MACROD2: variants seen among roughly 807,000 people sequenced by gnomAD.
MACROD2 encodes the protein mono-ADP ribosylhydrolase 2, also known as ADP-ribose glycohydrolase MACROD2.
MACROD2 carries 36 observed loss-of-function variants against 70.4 expected under a neutral mutation model. That is an observed-to-expected ratio of 0.51 (90% CI 0.39 to 0.68). The LOEUF (loss-of-function observed/expected upper bound fraction) is 0.68, where lower values mean the gene tolerates loss of function less well. Ranked by LOEUF, MACROD2 falls within the 30% of genes least tolerant of loss-of-function variation. The pLI is 0.00. For synonymous variants in MACROD2, 172 were observed against 178.8 expected, an observed-to-expected ratio of 0.96 and a Z score of 0.30; for missense variants, 496 against 538.4, an observed-to-expected ratio of 0.92 and a Z score of 0.78.
intron 8 of MACROD2, among the ~76,000 whole-genome samples, chr20:15,537,038 C>T (rs1408684464): frequency 1.3e-5 from 2 of 152,128 alleles, no homozygotes; most frequent in East Asian, 1.9e-4. Context: ...GCCATGTCCC[C>T]ACCCAAATCT....
intron 8 of MACROD2, among the ~76,000 whole-genome samples, chr20:15,504,191 A>C (rs573306391): frequency 5.9e-5 from 9 of 152,108 alleles, no homozygotes; most frequent in African/African-American, 2.2e-4. Context: ...CAGGAGGGGG[A>C]AAATCATATT....
rs116360644 is a variant in MACROD2 at position 15,617,041 on chromosome 20, G to A, written c.645+117194G>A. Among the ~76,000 whole-genome samples, 359 of 152,254 alleles carry A rather than the reference G, an allele frequency of 2.4e-3. 1 individual carries two copies. The highest frequency in any genetic ancestry group is 8.3e-3 in the African/African-American group (344 of 41,546). On this transcript the variant is annotated intron_variant, in intron 8 of 17. Coordinates refer to ENST00000684519, the MANE Select transcript of MACROD2 (RefSeq NM_001351661.2). ...CTTCTCCAGGGATGTTTCTGAGTTC[G>A]AGACTAATGTTCCATTTACCACATC...
intron 5 of MACROD2, among the ~76,000 whole-genome samples, chr20:14,698,311 C>G (rs6042863): frequency 0.048 from 7,351 of 152,196 alleles, 594 homozygotes; most frequent in African/African-American, 0.17. Flanking sequence ...AACTCAGGCT[C>G]TGGACGTGGG....
intron 3 of MACROD2, among the ~76,000 whole-genome samples, chr20:14,357,675 G>A (rs1247319398): frequency 6.6e-6 from 1 of 152,146 alleles, no homozygotes; most frequent in Non-Finnish European, 1.5e-5. Context: ...ATTTCCACTG[G>A]CTTCTCCTTA....
At chr20:15,735,840 A>T (rs2051012053) in intron 8 of MACROD2, among the ~76,000 whole-genome samples, 1 of 152,234 alleles carries the variant, frequency 6.6e-6, no homozygotes, top group Non-Finnish European at 1.5e-5. Context: ...TGACCCTCAG[A>T]AGACAAATCA....
intron 4 of MACROD2, among the ~76,000 whole-genome samples, chr20:14,637,190 G>T (rs1932936): frequency 0.99 from 150,620 of 152,300 alleles, 74,486 homozygotes; most frequent in East Asian, 1. Flanking sequence ...TGCAGCTGCC[G>T]TTCTATACTG....
intron 3 of MACROD2, among the ~76,000 whole-genome samples, chr20:14,455,931 A>G (rs1342665799): frequency 1.3e-5 from 2 of 151,808 alleles, no homozygotes; most frequent in African/African-American, 4.9e-5. Flanking sequence ...TCTAAAAATT[A>G]TCTTATGTCT....
At chr20:15,175,066 G>A (rs1348166328) in intron 5 of MACROD2, among the ~76,000 whole-genome samples, 2 of 151,898 alleles carry the variant, frequency 1.3e-5, no homozygotes, top group Non-Finnish European at 2.9e-5. Flanking sequence ...AAGAAAATGT[G>A]GCACATATAC....
intron 3 of MACROD2, among the ~76,000 whole-genome samples, chr20:14,207,796 G>A (rs930891161): frequency 5.9e-5 from 9 of 152,280 alleles, no homozygotes; most frequent in Middle Eastern, 3.4e-3. Context: ...AGAGATAGCC[G>A]TGGGTCATAC....
intron 4 of MACROD2, among the ~76,000 whole-genome samples, chr20:14,568,498 G>A (rs1038385610): frequency 2.0e-5 from 3 of 151,978 alleles, no homozygotes; most frequent in African/African-American, 7.2e-5. Context: ...AGATTTTGTG[G>A]TTTAGGGAGC....
At chr20:15,741,789 C>G (rs1372987015) in intron 8 of MACROD2, among the ~76,000 whole-genome samples, 6 of 152,076 alleles carry the variant, frequency 3.9e-5, no homozygotes, top group African/African-American at 1.4e-4. Flanking sequence ...CACTCCTCCC[C>G]ACTAAAATGT....
chr20:14,463,420 T>G (rs1189341326), intron 3 of MACROD2, among the ~76,000 whole-genome samples: 2 of 152,098 alleles, frequency 1.3e-5, no homozygotes, highest in Non-Finnish European at 2.9e-5. Flanking sequence ...GCTTATCAGC[T>G]TAAGGAGATT....
chr20:14,824,753 A>T (rs1458483517), intron 5 of MACROD2, among the ~76,000 whole-genome samples: 4 of 152,034 alleles, frequency 2.6e-5, no homozygotes, highest in Admixed American at 2.6e-4. Context: ...GGCAATTGGG[A>T]GGGGCTACCC....
intron 5 of MACROD2, among the ~76,000 whole-genome samples, chr20:14,853,363 G>A (rs977285061): frequency 3.9e-5 from 6 of 152,008 alleles, no homozygotes; most frequent in Admixed American, 3.9e-4. Flanking sequence ...GAAGAGTTAG[G>A]TTGCATAGGT....
At chr20:15,978,291 G>C (rs557295089) in intron 13 of MACROD2, among the ~76,000 whole-genome samples, 15 of 152,294 alleles carry the variant, frequency 9.8e-5, no homozygotes, top group African/African-American at 3.4e-4. Flanking sequence ...TTCTGCAGCT[G>C]CATTCCTGGA....
intron 8 of MACROD2, among the ~76,000 whole-genome samples, chr20:15,675,219 A>T (rs1193757863): frequency 6.6e-6 from 1 of 152,230 alleles, no homozygotes; most frequent in Non-Finnish European, 1.5e-5. Context: ...CTAGTTCTGA[A>T]AACTATGGCA....
chr20:15,368,851 A>C (rs1477953488), intron 6 of MACROD2, among the ~76,000 whole-genome samples: 1 of 152,270 alleles, frequency 6.6e-6, no homozygotes, highest in South Asian at 2.1e-4. Flanking sequence ...TTGTTAATAC[A>C]TTTAACGTGG....
intron 6 of MACROD2, among the ~76,000 whole-genome samples, chr20:15,365,859 A>G (rs570852083): frequency 1.3e-5 from 2 of 152,336 alleles, no homozygotes; most frequent in South Asian, 4.1e-4. Flanking sequence ...CTAAAATTAT[A>G]TCTACTAGGA....
intron 3 of MACROD2, among the ~76,000 whole-genome samples, chr20:14,249,611 T>C (rs1233589637): frequency 6.6e-6 from 1 of 152,160 alleles, no homozygotes; most frequent in Non-Finnish European, 1.5e-5. Flanking sequence ...GCAAACTTTT[T>C]TGAAGTTCTC....
Sources: allele counts gnomAD v4.1 joint callset (sites outside exome capture counted in the v4.1 genomes callset), GRCh38; gene constraint gnomAD v4.1.1; transcripts MANE v1.5; gene names NCBI Gene and HGNC (gene_info 2026-07-23, HGNC 2026-07-21).